Variants in MOB1B observed in about 807,000 individuals in gnomAD.
The protein encoded by MOB1B is MOB kinase activator 1B.
A neutral mutation model predicts 24.4 loss-of-function variants in MOB1B; 19 were observed. The ratio of observed to expected loss-of-function variants is 0.78; its 90% confidence interval spans 0.54 to 1.14. MOB1B has a LOEUF of 1.14. Ranked by LOEUF, MOB1B falls within the 50% of genes most tolerant of loss-of-function variation. The pLI, the probability that MOB1B is intolerant of heterozygous loss-of-function variation, is 0.00. For missense variants in MOB1B, 243 were observed against 259.6 expected (o/e 0.94, Z 0.44); for synonymous variants, 76 against 82.1 (o/e 0.93, Z 0.40).
At chr4:70,970,688 A>T (rs1312305546) in intron 3 of MOB1B, among the ~76,000 whole-genome samples, 1 of 152,226 alleles carries the variant, frequency 6.6e-6, no homozygotes, top group Non-Finnish European at 1.5e-5. Flanking sequence ...AAGGCCTTTC[A>T]TACATGTTTT....
chr4:70,952,964 T>A (rs978004087), intron 1 of MOB1B, among the ~76,000 whole-genome samples: 2 of 140,988 alleles, frequency 1.4e-5, no homozygotes, highest in East Asian at 2.1e-4. Flanking sequence ...TTTTTTTGAG[T>A]TGGAGTCTCG....
chr4:70,955,589 G>A (rs1738012104), intron 1 of MOB1B, among the ~76,000 whole-genome samples: 1 of 149,126 alleles, frequency 6.7e-6, no homozygotes, highest in Admixed American at 6.8e-5. Flanking sequence ...TCCTGCCTCA[G>A]CCTCCAGAGT....
chr4:70,946,752 C>A (rs754061921), intron 1 of MOB1B, among the ~76,000 whole-genome samples: 2 of 151,704 alleles, frequency 1.3e-5, no homozygotes, highest in African/African-American at 2.4e-5. Flanking sequence ...GGATCTGTGA[C>A]CTGTGCTTTT....
At chr4:70,917,216 T>G (rs923067657) in intron 1 of MOB1B, among the ~76,000 whole-genome samples, 1 of 152,188 alleles carries the variant, frequency 6.6e-6, no homozygotes, top group Non-Finnish European at 1.5e-5. Context: ...AGGCAACGTA[T>G]GTACCATTAA....
chr4:70,974,401 G>T (rs916043068), intron 3 of MOB1B, among the ~76,000 whole-genome samples: 17 of 152,152 alleles, frequency 1.1e-4, no homozygotes, highest in African/African-American at 4.1e-4. Flanking sequence ...ACCGTGCCCG[G>T]CCTCTTTTAG....
intron 2 of MOB1B, among the ~76,000 whole-genome samples, chr4:70,962,334 A>G (rs1014161030): frequency 3.9e-5 from 6 of 152,256 alleles, no homozygotes; most frequent in African/African-American, 1.4e-4. Flanking sequence ...CAAAGTGAAT[A>G]TGTTCAAAAT....
At chr4:70,915,929 A>G (rs145303464) in intron 1 of MOB1B, among the ~76,000 whole-genome samples, 1 of 152,230 alleles carries the variant, frequency 6.6e-6, no homozygotes, top group Non-Finnish European at 1.5e-5. Context: ...TCTCTAGGCG[A>G]GAGGAAATGA....
intron 2 of MOB1B, among the ~76,000 whole-genome samples, chr4:70,969,373 C>G (rs1323226426): frequency 2.0e-5 from 3 of 152,204 alleles, no homozygotes; most frequent in Non-Finnish European, 4.4e-5. Context: ...TCAAGCGATT[C>G]TCCAGCCTTG....
intron 1 of MOB1B, among the ~76,000 whole-genome samples, chr4:70,957,449 T>TAA (rs1206827420): frequency 6.6e-6 from 1 of 150,988 alleles, no homozygotes; most frequent in Admixed American, 6.6e-5. Flanking sequence ...TTTTTTTTTT[T>TAA]AAAGAGGCAG....
rs758756935 is a variant in MOB1B at position 70,983,212 on chromosome 4, C to T, written c.*1155C>T. On this transcript the variant is annotated 3_prime_UTR_variant, in exon 6 of 6. Coordinates refer to ENST00000309395, the MANE Select transcript of MOB1B (RefSeq NM_173468.4). ...GGAAATTGATCACTTCTTAGCATTT[C>T]CATTCAGTGAATGGAGCTGATGTTT... 1.3e-5 allele frequency: 2 copies of T among 152,496 alleles called. No homozygotes were observed. Among genetic ancestry groups the T allele is most frequent in the Non-Finnish European group, 2.9e-5 (2 of 67,966 alleles). 9.4% of individuals were successfully genotyped at this position (152,496 alleles called of 1,614,324 possible).
intron 1 of MOB1B, among the ~76,000 whole-genome samples, chr4:70,936,399 A>G (rs1442553497): frequency 2.0e-5 from 3 of 152,224 alleles, no homozygotes. Flanking sequence ...AACTGAAAGT[A>G]AAACTTTCAG....
chr4:70,921,405 A>T (rs1004123055), intron 1 of MOB1B, among the ~76,000 whole-genome samples: 12 of 151,998 alleles, frequency 7.9e-5, no homozygotes, highest in African/African-American at 2.7e-4. Flanking sequence ...ATCCAGCTTC[A>T]TGCTTAACTA....
chr4:70,938,387 G>C (rs1737180037), intron 1 of MOB1B, among the ~76,000 whole-genome samples: 2 of 129,162 alleles, frequency 1.5e-5, no homozygotes, highest in Admixed American at 2.1e-4. Flanking sequence ...ATTATCTCTG[G>C]TTGCAAGGTT....
chr4:70,922,817 A>G (rs527578374), intron 1 of MOB1B, among the ~76,000 whole-genome samples: 107 of 152,330 alleles, frequency 7.0e-4, no homozygotes, highest in African/African-American at 2.6e-3. Flanking sequence ...TAGACACAAC[A>G]TGTAACAATA....
intron 5 of MOB1B, among the ~76,000 whole-genome samples, chr4:70,981,723 T>A (rs565697387): frequency 2.0e-4 from 31 of 152,274 alleles, no homozygotes; most frequent in African/African-American, 6.7e-4. Flanking sequence ...GTAGTTAACA[T>A]CCAGTATCAC....
At chr4:70,926,160 A>C (rs542661902) in intron 1 of MOB1B, among the ~76,000 whole-genome samples, 1 of 151,510 alleles carries the variant, frequency 6.6e-6, no homozygotes, top group South Asian at 2.1e-4. Context: ...TAATTTTTGT[A>C]TCTTTTGTAG....
intron 1 of MOB1B, among the ~76,000 whole-genome samples, chr4:70,904,297 T>G (rs923949753): frequency 1.3e-5 from 2 of 152,040 alleles, no homozygotes; most frequent in African/African-American, 4.8e-5. Flanking sequence ...TTTCTTGTTT[T>G]AGTTCTAATC....
intron 1 of MOB1B, among the ~76,000 whole-genome samples, chr4:70,939,700 C>T (rs1578370829): frequency 6.6e-6 from 1 of 152,336 alleles, no homozygotes; most frequent in East Asian, 1.9e-4. Flanking sequence ...CAAACCTCTA[C>T]AGGGAGTGTG....
chr4:70,919,890 A>G (rs532660420), intron 1 of MOB1B, among the ~76,000 whole-genome samples: 2 of 152,330 alleles, frequency 1.3e-5, no homozygotes, highest in South Asian at 2.1e-4. Context: ...GTTATGTTCA[A>G]TAAGGTTTGA....
Sources: gnomAD v4.1 joint callset for allele counts (sites outside exome capture counted in the v4.1 genomes callset) on GRCh38, gnomAD v4.1.1 for gene constraint, MANE v1.5 for transcripts, NCBI Gene and HGNC (gene_info 2026-07-23, HGNC 2026-07-21) for gene names.